The following COBLL1 variants were observed in gnomAD, a reference collection of about 807,000 sequenced individuals.
The protein encoded by COBLL1 is cordon-bleu protein-like 1.
COBLL1 carries 50 observed loss-of-function variants against 94.8 expected under a neutral mutation model. That is an observed-to-expected ratio of 0.53 (90% CI 0.42 to 0.67). The LOEUF (loss-of-function observed/expected upper bound fraction) is 0.67, where lower values mean the gene tolerates loss of function less well. Among genes scored for constraint, COBLL1 ranks in the 30% least tolerant of loss-of-function variants. The probability of loss-of-function intolerance (pLI) is 0.00; values close to 1 mark genes in which losing one functional copy is unlikely to be tolerated. For missense variants in COBLL1, 1,362 were observed against 1,348.7 expected (o/e 1.01, Z -0.15); for synonymous variants, 448 against 473.8 (o/e 0.95, Z 0.71).
At chr2:164,794,439 T>C (rs1308236007) in intron 2 of COBLL1, among the ~76,000 whole-genome samples, 1 of 152,050 alleles carries the variant, frequency 6.6e-6, no homozygotes, top group Non-Finnish European at 1.5e-5. Flanking sequence ...TAAAAGTTCA[T>C]TTCAGGTTAT....
intron 7 of COBLL1, among the ~76,000 whole-genome samples, chr2:164,706,338 G>A (rs1684599867): frequency 6.6e-6 from 1 of 152,122 alleles, no homozygotes; most frequent in Admixed American, 6.5e-5. Flanking sequence ...AGTTTTCTGT[G>A]TCTGCTTCTC....
chr2:164,679,789 G>A (rs1036238675), downstream of COBLL1, among the ~76,000 whole-genome samples: 1 of 151,692 alleles, frequency 6.6e-6, no homozygotes, highest in African/African-American at 2.4e-5. Context: ...CGGGGGGTGG[G>A]GGCGGGGGCT....
intron 2 of COBLL1, among the ~76,000 whole-genome samples, chr2:164,840,350 C>G (rs1469772237): frequency 6.6e-6 from 1 of 152,036 alleles, no homozygotes; most frequent in Non-Finnish European, 1.5e-5. Flanking sequence ...AACTAGCATC[C>G]AGGTTACTCC....
At chr2:164,724,586 TTTC>T (rs1685624030) in intron 5 of COBLL1, 1 of 152,186 alleles carries the variant, frequency 6.6e-6, no homozygotes, top group South Asian at 2.1e-4. Context: ...TAAAAAAATA[TTTC>T]TTCTACTAAG....
chr2:164,728,643 T>A (rs963749768), intron 4 of COBLL1, among the ~76,000 whole-genome samples: 1 of 152,046 alleles, frequency 6.6e-6, no homozygotes, highest in Non-Finnish European at 1.5e-5. Flanking sequence ...TCACTAAAAT[T>A]TTTGTTTCTA....
At chr2:164,658,284 G>A (rs1183245978) in intron 2 of COBLL1, among the ~76,000 whole-genome samples, 2 of 152,110 alleles carry the variant, frequency 1.3e-5, no homozygotes, top group African/African-American at 2.4e-5. Context: ...GTGCTTTTGG[G>A]GAGGTTGGCC....
chr2:164,669,864 A>C (rs1691218138), intron 1 of COBLL1, among the ~76,000 whole-genome samples: 1 of 152,358 alleles, frequency 6.6e-6, no homozygotes, highest in South Asian at 2.1e-4. Flanking sequence ...ATGATATTAC[A>C]GTATCTGGGA....
In COBLL1 at chr2:164,746,817, C is replaced by T. The variant is rs536324113; in HGVS notation, c.42-2942G>A. 1.4e-4 allele frequency among the ~76,000 whole-genome samples: 21 copies of T among 152,196 alleles called. 1 individual carries two copies. In the South Asian group the frequency reaches 4.4e-3, roughly 32 times the overall value. On this transcript the variant is annotated intron_variant, in intron 2 of 13. Coordinates refer to ENST00000652658, the MANE Select transcript of COBLL1 (RefSeq NM_001365672.2). ...CTGCATTCCAATCTCAGGACTCTTG[C>T]CTTTTCCTTGAACACATCCAGAATA...
chr2:164,818,226 A>G (rs1481997252), intron 2 of COBLL1, among the ~76,000 whole-genome samples: 3 of 150,096 alleles, frequency 2.0e-5, no homozygotes, highest in Non-Finnish European at 3.0e-5. Flanking sequence ...ATACATATAT[A>G]CATATGCATG....
At chr2:164,826,895 C>A (rs1559053910) in intron 2 of COBLL1, among the ~76,000 whole-genome samples, 1 of 115,110 alleles carries the variant, frequency 8.7e-6, no homozygotes, top group Non-Finnish European at 1.9e-5. Context: ...GTCTTTGTTT[C>A]GTTTTTTTTT....
chr2:164,763,252 C>T lies in COBLL1; in HGVS notation c.42-19377G>A, dbSNP rs535870727. Among the ~76,000 whole-genome samples the T allele has an allele frequency of 1.4e-4, 22 of 151,908 alleles. No homozygotes were observed. The South Asian group carries it at 2.9e-3, about 20-fold the overall frequency. Reference sequence around the variant, plus strand: ...ATCCTTAGTTTTATGCAAAAATATACTTCGTACGTATCAGGTTTGAAAAAA... The same window carrying T: ...ATCCTTAGTTTTATGCAAAAATATATTTCGTACGTATCAGGTTTGAAAAAA... On this transcript the variant is annotated intron_variant, in intron 2 of 13. Coordinates refer to ENST00000652658, the MANE Select transcript of COBLL1 (RefSeq NM_001365672.2).
chr2:164,841,053 C>G lies in COBLL1; in HGVS notation c.41+103G>C. On this transcript the variant is annotated intron_variant, in intron 2 of 13. Transcript: ENST00000652658. The surrounding 1 kb of genome is among the most constrained non-coding windows in gnomAD (Gnocchi z 5.5). ...GAGGACAGTCAGTGAGTCAGGCCGCCGGCAGGGCAGCGAGTTGCCAGCCAG... is the reference window on the plus strand; with the variant it reads ...GAGGACAGTCAGTGAGTCAGGCCGCGGGCAGGGCAGCGAGTTGCCAGCCAG... 8.6e-7 allele frequency: 1 copy of G among 1,168,002 alleles called. No homozygotes were observed. Among genetic ancestry groups the G allele is most frequent in the Non-Finnish European group, 1.1e-6 (1 of 931,388 alleles). 72.4% of individuals were successfully genotyped at this position (1,168,002 alleles called of 1,614,324 possible).
intron 2 of COBLL1, among the ~76,000 whole-genome samples, chr2:164,803,301 C>T (rs1166043793): frequency 6.6e-6 from 1 of 152,088 alleles, no homozygotes; most frequent in African/African-American, 2.4e-5. Context: ...CGCGGTGGCT[C>T]ACGCCTGTAA....
chr2:164,736,392 A>G (rs1390031915), intron 3 of COBLL1, among the ~76,000 whole-genome samples: 1 of 152,192 alleles, frequency 6.6e-6, no homozygotes, highest in Non-Finnish European at 1.5e-5. Flanking sequence ...TTATTATGCT[A>G]TAAGAAATAT....
At position 164,695,698 on chromosome 2, in the gene COBLL1, G is replaced by A. The variant is rs1363985328; in HGVS notation, c.1694C>T (p.Ser565Phe). 1.2e-6 allele frequency: 2 copies of A among 1,613,716 alleles called. No individual in the cohort carries two copies. The highest frequency in any genetic ancestry group is 1.7e-6 in the Non-Finnish European group (2 of 1,179,846). ...AGCAGTATCAGTTTCATGTGCCTCA[G>A]AGTTTGATGGTCTCTCAACTTCCAT... ...IDMEVERPSNSEAHETDTAIS... is the reference protein window; with the variant it reads ...IDMEVERPSNFEAHETDTAIS... Residue 565 changes from serine (S) to phenylalanine (F), a missense_variant, in exon 12 of 14, where the codon TCT (serine) becomes TTT (phenylalanine). By Grantham distance (155) the Ser-to-Phe change is radical (BLOSUM62 -2). Transcript: ENST00000652658.
rs1195200792 is a variant in COBLL1 at position 164,825,159 on chromosome 2, T to C, written c.41+15997A>G. Among the ~76,000 whole-genome samples the C allele has an allele frequency of 6.6e-5, 10 of 152,344 alleles. No homozygotes were observed. In the East Asian group the frequency reaches 1.5e-3, roughly 24 times the overall value. ...GTACCTGGTGAATCATAAATGCTCA[T>C]TGCTTGCATAACCAGAGTCCTGTAA... On this transcript the variant is annotated intron_variant, in intron 2 of 13. Coordinates refer to ENST00000652658, the MANE Select transcript of COBLL1 (RefSeq NM_001365672.2).
chr2:164,730,336 A>T (rs567059025), intron 3 of COBLL1, among the ~76,000 whole-genome samples: 179 of 151,448 alleles, frequency 1.2e-3, no homozygotes, highest in Middle Eastern at 6.8e-3. Flanking sequence ...CAAAAAATAA[A>T]AAAAAAAAAC....
intron 7 of COBLL1, among the ~76,000 whole-genome samples, chr2:164,705,531 A>G (rs528794293): frequency 6.6e-5 from 10 of 152,248 alleles, no homozygotes; most frequent in Admixed American, 2.0e-4. Flanking sequence ...GCAAAAATCT[A>G]TATGTCTACC....
At chr2:164,773,950 T>C (rs355865) in intron 2 of COBLL1, 107,838 of 156,848 alleles carry the variant, frequency 0.69, 38,843 homozygotes, top group African/African-American at 0.92. Context: ...ATGTGCTTTA[T>C]GCAATAAAAA....
Sources: gnomAD v4.1 joint callset for allele counts (sites outside exome capture counted in the v4.1 genomes callset) on GRCh38, gnomAD v4.1.1 for gene constraint, Gnocchi (gnomAD v3.1) non-coding constraint, MANE v1.5 for transcripts, NCBI Gene and HGNC (gene_info 2026-07-23, HGNC 2026-07-21) for gene names.